Variants in NEK8 observed in about 807,000 individuals in gnomAD.
NEK8 encodes the protein serine/threonine-protein kinase Nek8.
Under a neutral mutation model 77.2 loss-of-function variants are expected in NEK8, and 51 were observed. The observed-to-expected ratio is 0.66, with a 90% CI of 0.53 to 0.83. The LOEUF (loss-of-function observed/expected upper bound fraction) is 0.83, where lower values mean the gene tolerates loss of function less well. NEK8 is among the 40% of genes least tolerant of loss of function. The pLI is 0.00. For missense variants in NEK8, 787 were observed against 909.2 expected, an observed-to-expected ratio of 0.87 and a Z score of 1.73; for synonymous variants, 365 against 363.2, an observed-to-expected ratio of 1.00 and a Z score of -0.06.
At chr17:28,728,988 A>G in intron 1 of NEK8, 128 bp downstream of exon 1, 2 of 857,510 alleles carry the variant, frequency 2.3e-6, no homozygotes, top group South Asian at 1.5e-5. Flanking sequence ...AGCCCCGCCC[A>G]AGCTTCCGGT....
chr17:28,728,809 A>C lies in NEK8; in HGVS notation c.-5A>C. On this transcript the variant is annotated 5_prime_UTR_variant, in exon 1 of 15. The change abolishes an upstream ATG in the 5' untranslated region. Coordinates refer to ENST00000268766, the MANE Select transcript of NEK8 (RefSeq NM_178170.3). ...GGGGACGGAAGTGAAACTCTAAGAA[A>C]TGAGATGGAGAAGTACGAGCGGATC... 6.4e-7 allele frequency: 1 copy of C among 1,551,268 alleles called. No homozygotes were observed. Among genetic ancestry groups the C allele is most frequent in the Non-Finnish European group, 8.7e-7 (1 of 1,146,640 alleles).
chr17:28,740,024 G>A lies in NEK8; in HGVS notation c.1418-439G>A, dbSNP rs551893550. ...ATTTTGAGCCGGCGTGGTGGCTCAC[G>A]CCTGTAATCCCAGCACTTTGGGAGG... On this transcript the variant is annotated intron_variant, in intron 10 of 14. Coordinates refer to ENST00000268766, the MANE Select transcript of NEK8 (RefSeq NM_178170.3). The surrounding 1 kb of genome is among the most constrained non-coding windows in gnomAD (Gnocchi z 4.7). Among the ~76,000 whole-genome samples the A allele has an allele frequency of 2.7e-4, 41 of 151,972 alleles. No homozygotes were observed. In the South Asian group the frequency reaches 6.5e-3, roughly 24 times the overall value.
chr17:28,740,605 G>A lies in NEK8; in HGVS notation c.1560G>A (p.Gly520=). 1 of 1,614,146 alleles carries A rather than the reference G, an allele frequency of 6.2e-7. No individual in the cohort carries two copies. The change falls in exon 11 of 15, where the codon GGG becomes GGA. Residue 520 remains glycine (G), a synonymous_variant. Coordinates refer to ENST00000268766, the MANE Select transcript of NEK8 (RefSeq NM_178170.3). The surrounding 1 kb of genome is among the most constrained non-coding windows in gnomAD (Gnocchi z 4.7). ...LTVPGQALAC[G]SNRFNKLGLD... is the part of the protein sequence containing the mutation. ...TGCCTGGCCAAGCCCTAGCCTGTGG[G>A]AGCAACAGGTGAATAGATCATCAGG...
chr17:28,740,868 G>A lies in NEK8; in HGVS notation c.1615G>A (p.Val539Ile), dbSNP rs2034413770. The change falls in exon 12 of 15, where the codon GTC becomes ATC. Residue 539 changes from valine to isoleucine, a missense_variant. Coordinates refer to ENST00000268766, the MANE Select transcript of NEK8 (RefSeq NM_178170.3). This position sits in a 1 kb window ranked among gnomAD's most constrained non-coding sequence, Gnocchi z 4.7. ...CCACCTCTCCCTGGGGGAGGAGCCTGTCCCCCACCAGCAAGTGGAGGAGGC... is the reference window on the plus strand; with the variant it reads ...CCACCTCTCCCTGGGGGAGGAGCCTATCCCCCACCAGCAAGTGGAGGAGGC... The part of the protein sequence containing the change: ...LDHLSLGEEP[V>I]PHQQVEEALS... The A allele has an allele frequency of 2.5e-6, 4 of 1,613,934 alleles. No individual in the cohort carries two copies. Among genetic ancestry groups the A allele is most frequent in the African/African-American group, 1.3e-5 (1 of 74,920 alleles).
chr17:28,730,612 C>G (rs2034297395), intron 1 of NEK8, among the ~76,000 whole-genome samples: 1 of 152,146 alleles, frequency 6.6e-6, no homozygotes, highest in South Asian at 2.1e-4. Flanking sequence ...GATCCTGAGA[C>G]TTGGCAGAGT....
chr17:28,735,722 G>A (rs2034357486), intron 4 of NEK8, among the ~76,000 whole-genome samples: 1 of 152,024 alleles, frequency 6.6e-6, no homozygotes, highest in African/African-American at 2.4e-5. Context: ...GTCAGTCTGG[G>A]AGTCTCCTCA....
Position 28,731,908 on chromosome 17 carries a change from A to ATT in NEK8, c.48-2036_48-2035dup, listed in dbSNP as rs71135844. On this transcript the variant is annotated intron_variant, in intron 1 of 14. Coordinates refer to ENST00000268766, the MANE Select transcript of NEK8 (RefSeq NM_178170.3). ...GCGTGAGCCACCGCGCCTGGCCCCA[A>ATT]TTTTTTTTTTTTTTTTTTTTTTTTT... Among the ~76,000 whole-genome samples the ATT allele has an allele frequency of 4.6e-3, 244 of 52,504 alleles. 42 individuals are homozygous for ATT. Among genetic ancestry groups the ATT allele is most frequent in the African/African-American group, 0.011 (133 of 12,666 alleles). 34.4% of individuals were successfully genotyped at this position (52,504 alleles called of 152,430 possible). A position where few individuals can be genotyped will look rare whatever the true frequency, so the allele number is the denominator to read the frequency against.
Position 28,741,145 on chromosome 17 carries a change from C to T in NEK8, c.1800C>T (p.Gly600=), listed in dbSNP as rs1217060419. The change falls in exon 13 of 15, where the codon GGC becomes GGT. Residue 600 remains glycine (G), a synonymous_variant. Coordinates refer to ENST00000268766, the MANE Select transcript of NEK8 (RefSeq NM_178170.3). The surrounding 1 kb of genome is among the most constrained non-coding windows in gnomAD (Gnocchi z 4.5). Reference sequence around the variant, plus strand: ...AGTTGGGCACCAATACTCGCCGAGGCAGTCGGGCACCCTGTAAGGTCCAAG... The same window carrying T: ...AGTTGGGCACCAATACTCGCCGAGGTAGTCGGGCACCCTGTAAGGTCCAAG... ...HGQLGTNTRR[G]SRAPCKVQGL... The T allele has an allele frequency of 6.2e-7, 1 of 1,614,134 alleles. No homozygotes were observed. Among genetic ancestry groups the T allele is most frequent in the East Asian group, 2.2e-5 (1 of 44,878 alleles).
Position 28,741,479 on chromosome 17 carries a change from G to C in NEK8, c.1958G>C (p.Gly653Ala). 1 of 1,614,118 alleles carries C rather than the reference G, an allele frequency of 6.2e-7. No homozygotes were observed. The highest frequency in any genetic ancestry group is 1.1e-5 in the South Asian group (1 of 91,088). Residue 653 changes from glycine (G) to alanine (A), a missense_variant, in exon 14 of 15, where the codon GGA (glycine) becomes GCA (alanine). This residue lies in a region of NEK8 where 516 missense variants were observed against 544.0 expected (regional missense o/e 0.95). Transcript: ENST00000268766. The surrounding 1 kb of genome is among the most constrained non-coding windows in gnomAD (Gnocchi z 4.5). ...TTGGGAAGGAGGGATGAGGATGCCG[G>C]ACTCCCTCGGCCAGTGCAGTTGGAT... ...GRLGRRDEDA[G>A]LPRPVQLDET...
chr17:28,741,537 C>T lies in NEK8; in HGVS notation c.2016C>T (p.Ser672=). 1 of 1,614,140 alleles carries T rather than the reference C, an allele frequency of 6.2e-7. No homozygotes were observed. Among genetic ancestry groups the T allele is most frequent in the Non-Finnish European group, 8.5e-7 (1 of 1,180,016 alleles). ...ACCCTTACACGGTGACTTCCGTGTC[C>T]TGTTGCCATGGAAACACCCTCCTGG... ...ETHPYTVTSV[S]CCHGNTLLAV... is the part of the protein sequence containing the mutation. The change falls in exon 14 of 15, where the codon TCC becomes TCT. Residue 672 remains serine, a synonymous_variant. Transcript: ENST00000268766. The surrounding 1 kb of genome is among the most constrained non-coding windows in gnomAD (Gnocchi z 4.5).
At position 28,739,129 on chromosome 17, in the gene NEK8, G is replaced by T; in HGVS notation, c.1345G>T (p.Ala449Ser). 1 of 1,614,176 alleles carries T rather than the reference G, an allele frequency of 6.2e-7. No individual in the cohort carries two copies. Among genetic ancestry groups the T allele is most frequent in the Non-Finnish European group, 8.5e-7 (1 of 1,180,012 alleles). Reference sequence around the variant, plus strand: ...GCTGGGCTATGAAATGGTGCAGGTGGCCTGTGGGGCCTCTCACGTGCTGGC... The same window carrying T: ...GCTGGGCTATGAAATGGTGCAGGTGTCCTGTGGGGCCTCTCACGTGCTGGC... ...ALLGYEMVQV[A>S]CGASHVLALS... is the part of the protein sequence containing the mutation. The change falls in exon 10 of 15, where the codon GCC becomes TCC. Residue 449 changes from alanine (A) to serine (S), a missense_variant. Around this residue, in one of 2 missense-constraint regions of NEK8, gnomAD observed 516 missense variants for 544.0 expected, o/e 0.95. Coordinates refer to ENST00000268766, the MANE Select transcript of NEK8 (RefSeq NM_178170.3).
At chr17:28,729,837 C>T (rs796162877) in intron 1 of NEK8, among the ~76,000 whole-genome samples, 1 of 152,050 alleles carries the variant, frequency 6.6e-6, no homozygotes, top group African/African-American at 2.4e-5. Flanking sequence ...TGAGCCACCG[C>T]GACAGGCCAG....
chr17:28,732,160 A>G (rs571841432), intron 1 of NEK8, among the ~76,000 whole-genome samples: 3 of 151,408 alleles, frequency 2.0e-5, no homozygotes, highest in South Asian at 2.1e-4. Context: ...AGATTTTTAA[A>G]TTGCATTCTG....
At position 28,740,786 on chromosome 17, in the gene NEK8, C is replaced by CT. The variant is rs768579723; in HGVS notation, c.1569-35dup. On this transcript the variant is annotated intron_variant, in intron 11 of 14. Coordinates refer to ENST00000268766, the MANE Select transcript of NEK8 (RefSeq NM_178170.3). This position sits in a 1 kb window ranked among gnomAD's most constrained non-coding sequence, Gnocchi z 4.7. ...GTGCACCAGCTCCTGCCCAAACTGT[C>CT]TGTCAGTTGGATTTGGCTTCTGGCT... 3 of 1,612,292 alleles carry CT rather than the reference C, an allele frequency of 1.9e-6. No individual in the cohort carries two copies. The highest frequency in any genetic ancestry group is 1.3e-5 in the African/African-American group (1 of 74,862).
In NEK8 at chr17:28,736,401, AGT is replaced by A. The variant is rs965698656; in HGVS notation, c.619-902_619-901del. Among the ~76,000 whole-genome samples, 24 of 152,284 alleles carry A rather than the reference AGT, an allele frequency of 1.6e-4. No homozygotes were observed. The South Asian group carries it at 4.4e-3, about 28-fold the overall frequency. On this transcript the variant is annotated intron_variant, in intron 4 of 14. Coordinates refer to ENST00000268766, the MANE Select transcript of NEK8 (RefSeq NM_178170.3). ...TTTACAGTCCCACCAACAGTGTAAA[AGT>A]GTTCCTATTTCTCCACATCCTCTCC...
Position 28,737,627 on chromosome 17 carries a change from A to C in NEK8, c.828-48A>C. ...GGGCAAGTCCTCCCTTCCTGCATGT[A>C]GGAATGTCAGGAGGGTCTTTGTCCT... is the stretch of plus-strand genomic sequence containing the variant. On this transcript the variant is annotated intron_variant, in intron 5 of 14. Coordinates refer to ENST00000268766, the MANE Select transcript of NEK8 (RefSeq NM_178170.3). The surrounding 1 kb of genome is among the most constrained non-coding windows in gnomAD (Gnocchi z 4.8). 6.2e-7 allele frequency: 1 copy of C among 1,614,020 alleles called. No homozygotes were observed. The highest frequency in any genetic ancestry group is 1.7e-4 in the Middle Eastern group (1 of 6,060).
chr17:28,729,512 T>C (rs2034285047), intron 1 of NEK8, among the ~76,000 whole-genome samples: 1 of 149,920 alleles, frequency 6.7e-6, no homozygotes, highest in Non-Finnish European at 1.5e-5. Flanking sequence ...TGCGCCACCA[T>C]GCCCGGCTAA....
intron 3 of NEK8, 105 bp downstream of exon 3, chr17:28,735,109 C>T: frequency 1.3e-6 from 2 of 1,535,404 alleles, no homozygotes; most frequent in East Asian, 4.5e-5. Flanking sequence ...CCTTTGGCCC[C>T]TGTTTGGGTG....
Position 28,739,195 on chromosome 17 carries a change from G to A in NEK8, c.1411G>A (p.Asp471Asn). 15 of 1,612,270 alleles carry A rather than the reference G, an allele frequency of 9.3e-6. No individual in the cohort carries two copies. The highest frequency in any genetic ancestry group is 1.3e-5 in the Non-Finnish European group (15 of 1,178,272). The change falls in exon 10 of 15, where the codon GAC becomes AAC. Residue 471 changes from aspartate (D) to asparagine (N), a missense_variant. Coordinates refer to ENST00000268766, the MANE Select transcript of NEK8 (RefSeq NM_178170.3). ...AGAACTATTTGCCTGGGGCCGTGGA[G>A]ACAGCGGTAAGCTCCAGCCTTTAGG... ...ERELFAWGRG[D>N]SGRLGLGTRE...
Sources: gnomAD v4.1 joint callset for allele counts (sites outside exome capture counted in the v4.1 genomes callset) on GRCh38, gnomAD v4.1.1 for gene constraint, gnomAD v4.1.1 regional missense constraint, Gnocchi (gnomAD v3.1) non-coding constraint, MANE v1.5 for transcripts, NCBI Gene and HGNC (gene_info 2026-07-23, HGNC 2026-07-21) for gene names.